Variants in PTBP3 observed in about 807,000 individuals in gnomAD.
PTBP3 encodes polypyrimidine tract binding protein 3.
Under a neutral mutation model 58.7 loss-of-function variants are expected in PTBP3, and 20 were observed. The observed-to-expected ratio is 0.34, with a 90% CI of 0.24 to 0.50. PTBP3 has a LOEUF of 0.50. PTBP3 is among the 20% of genes least tolerant of loss of function. The pLI is 0.98. For synonymous variants in PTBP3, 185 were observed against 219.8 expected, an observed-to-expected ratio of 0.84 and a Z score of 1.40; for missense variants, 509 against 637.2, an observed-to-expected ratio of 0.80 and a Z score of 2.17.
intron 5 of PTBP3, among the ~76,000 whole-genome samples, chr9:112,256,856 G>GATTTT (rs1554792833): frequency 2.8e-5 from 1 of 35,446 alleles, no homozygotes; most frequent in African/African-American, 3.2e-4. Context: ...TTTTTTTAAA[G>GATTTT]CTTTCATTTT....
chr9:112,282,218 C>T (rs1388674258), intron 2 of PTBP3, among the ~76,000 whole-genome samples: 1 of 152,152 alleles, frequency 6.6e-6, no homozygotes, highest in Non-Finnish European at 1.5e-5. Flanking sequence ...TAATAATACC[C>T]TTTTAATGAC....
the PTBP3 span, among the ~76,000 whole-genome samples, chr9:112,370,020 C>T: frequency 6.6e-6 from 1 of 152,206 alleles, no homozygotes; most frequent in Non-Finnish European, 1.5e-5. Context: ...TCCTCCTTTG[C>T]CTTCTGCCAT....
chr9:112,324,054 A>T (rs185181813), intron 1 of PTBP3, among the ~76,000 whole-genome samples: 16 of 152,274 alleles, frequency 1.1e-4, no homozygotes, highest in Non-Finnish European at 8.8e-5. Context: ...CAGGGACAAG[A>T]ATTACAGAGG....
At chr9:112,379,820 A>T in the PTBP3 span, 2 of 467,244 alleles carry the variant, frequency 4.3e-6, no homozygotes. Flanking sequence ...AGGTGGACGT[A>T]GCGGCTGACG....
At chr9:112,340,124 C>T in the PTBP3 span, among the ~76,000 whole-genome samples, 1 of 152,144 alleles carries the variant, frequency 6.6e-6, no homozygotes, top group South Asian at 2.1e-4. Flanking sequence ...TCCACCACCA[C>T]ACCTGGCTAA....
intron 3 of PTBP3, chr9:112,272,712 T>TTA (rs1407623374): frequency 6.6e-6 from 1 of 152,202 alleles, no homozygotes; most frequent in Non-Finnish European, 1.5e-5. Context: ...TCACCCCTCC[T>TTA]TATGCAGCCT....
chr9:112,353,369 G>A, the PTBP3 span, among the ~76,000 whole-genome samples: 1 of 144,846 alleles, frequency 6.9e-6, no homozygotes, highest in Non-Finnish European at 1.5e-5. Flanking sequence ...ACAGCTGTGA[G>A]TAAGGTAGCA....
At chr9:112,296,028 C>T (rs1828672603) in intron 2 of PTBP3, among the ~76,000 whole-genome samples, 1 of 152,122 alleles carries the variant, frequency 6.6e-6, no homozygotes, top group Admixed American at 6.6e-5. Flanking sequence ...GACTGTTTTG[C>T]AATGGTTTTT....
intron 1 of PTBP3, 144 bp from the exon 2 acceptor site, chr9:112,298,060 A>C: frequency 1.6e-6 from 1 of 618,424 alleles, no homozygotes; most frequent in Non-Finnish European, 2.7e-6. Context: ...CACAAAATCA[A>C]ATGAACTGCA....
At chr9:112,273,846 CA>C (rs1827492958) in intron 3 of PTBP3, among the ~76,000 whole-genome samples, 1 of 152,148 alleles carries the variant, frequency 6.6e-6, no homozygotes, top group Non-Finnish European at 1.5e-5. Flanking sequence ...TGCTTAAGTG[CA>C]TTTACTAAAA....
intron 3 of PTBP3, among the ~76,000 whole-genome samples, chr9:112,274,640 A>G (rs1263649089): frequency 1.3e-5 from 2 of 152,236 alleles, no homozygotes; most frequent in African/African-American, 4.8e-5. Flanking sequence ...GACTCTTTAC[A>G]GTCTCTTCTG....
At chr9:112,371,137 T>C in the PTBP3 span, among the ~76,000 whole-genome samples, 2 of 152,322 alleles carry the variant, frequency 1.3e-5, no homozygotes, top group East Asian at 3.9e-4. Flanking sequence ...GTTCTGGCTA[T>C]TGCCCCCAGT....
chr9:112,346,601 ATTAAAGGGAAAACTT>A, the PTBP3 span, among the ~76,000 whole-genome samples: 1 of 152,378 alleles, frequency 6.6e-6, no homozygotes, highest in East Asian at 1.9e-4. Context: ...TGACTTACAA[ATTAAAGGGAAAACTT>A]TTAAGGTTTT....
At chr9:112,365,944 C>T in the PTBP3 span, among the ~76,000 whole-genome samples, 6 of 152,060 alleles carry the variant, frequency 3.9e-5, no homozygotes, top group Non-Finnish European at 5.9e-5. Flanking sequence ...CGTGACAATG[C>T]GATAGAAAAG....
intron 1 of PTBP3, among the ~76,000 whole-genome samples, chr9:112,312,811 A>G (rs891232626): frequency 6.6e-5 from 10 of 152,158 alleles, no homozygotes; most frequent in African/African-American, 2.2e-4. Context: ...TGGGAGGCCA[A>G]GGTGGGCACA....
Position 112,256,301 on chromosome 9 carries a change from A to ATG in PTBP3, c.517-3514_517-3513insCA, listed in dbSNP as rs1836358196. 8.4e-5 allele frequency among the ~76,000 whole-genome samples: 5 copies of ATG among 59,298 alleles called. No homozygotes were observed. The South Asian group carries it at 1.6e-3, about 19-fold the overall frequency. 38.9% of individuals were successfully genotyped at this position (59,298 alleles called of 152,430 possible). On this transcript the variant is annotated intron_variant, in intron 5 of 13. Coordinates refer to ENST00000374257, the MANE Select transcript of PTBP3 (RefSeq NM_001163788.4). ...TATATATATATATATATACATATAT[A>ATG]TATATATATTTATCTATCTTGCTGT...
chr9:112,243,011 T>G (rs1000197821), intron 7 of PTBP3, among the ~76,000 whole-genome samples: 51 of 152,200 alleles, frequency 3.4e-4, no homozygotes, highest in African/African-American at 1.1e-3. Context: ...GAAAATCAAT[T>G]GACCACATCT....
chr9:112,231,953 AGAAGAGAAGAGAAG>A (rs1272127859), intron 9 of PTBP3, 132 bp downstream of exon 9: 41 of 374,358 alleles, frequency 1.1e-4, no homozygotes, highest in East Asian at 3.1e-4. Context: ...AGAAGAGAAG[AGAAGAGAAGAGAAG>A]AGAGAAGAGA....
chr9:112,349,335 G>A, the PTBP3 span, among the ~76,000 whole-genome samples: 1 of 152,116 alleles, frequency 6.6e-6, no homozygotes, highest in East Asian at 1.9e-4. Flanking sequence ...CCATCCGAGT[G>A]TTCCTGAGTT....
Sources: gnomAD v4.1 joint callset for allele counts (sites outside exome capture counted in the v4.1 genomes callset) on GRCh38, gnomAD v4.1.1 for gene constraint, MANE v1.5 for transcripts, NCBI Gene and HGNC (gene_info 2026-07-23, HGNC 2026-07-21) for gene names.